The following RCC1L variants were observed in gnomAD, a reference collection of about 807,000 sequenced individuals.
RCC1L encodes the protein RCC1 like.
A neutral mutation model predicts 58.6 loss-of-function variants in RCC1L; 46 were observed. That is an observed-to-expected ratio of 0.79 (90% CI 0.62 to 1.00). RCC1L has a LOEUF of 1.00. Among genes scored for constraint, RCC1L ranks in the 50% least tolerant of loss-of-function variants. The pLI, the probability that RCC1L is intolerant of heterozygous loss-of-function variation, is 0.00. For synonymous variants in RCC1L, 281 were observed against 262.9 expected (o/e 1.07, Z -0.67); for missense variants, 636 against 623.6 (o/e 1.02, Z -0.21).
intron 3 of RCC1L, 137 bp downstream of exon 3, chr7:75,066,527 G>T: frequency 1.8e-6 from 2 of 1,139,888 alleles, no homozygotes; most frequent in Non-Finnish European, 2.5e-6. Context: ...CAATCCCACT[G>T]ATCTGCTCAG....
chr7:75,057,700 T>A (rs1433508705), intron 7 of RCC1L, 84 bp from the exon 8 acceptor site: 1 of 1,218,856 alleles, frequency 8.2e-7, no homozygotes, highest in Non-Finnish European at 1.2e-6. Context: ...ACAGAGTAGC[T>A]GAGTCCTAGT....
At chr7:75,061,567 A>G (rs932208152) in intron 5 of RCC1L, among the ~76,000 whole-genome samples, 24 of 152,088 alleles carry the variant, frequency 1.6e-4, no homozygotes, top group African/African-American at 5.8e-4. Context: ...CCCCTTCTCC[A>G]TAACCCTTCT....
intron 9 of RCC1L, chr7:75,055,683 C>G: frequency 1.6e-6 from 1 of 609,766 alleles, no homozygotes; most frequent in Non-Finnish European, 2.9e-6. Context: ...TACCCACAAA[C>G]CAAACGAACC....
Position 75,056,479 on chromosome 7 carries a change from T to G in RCC1L, c.1058-405A>C. The G allele has an allele frequency of 2.1e-6, 3 of 1,462,742 alleles. No homozygotes were observed. In the South Asian group the frequency reaches 4.2e-5, roughly 20 times the overall value. 90.6% of individuals were successfully genotyped at this position (1,462,742 alleles called of 1,614,324 possible). A position where few individuals can be genotyped will look rare whatever the true frequency, so the allele number is the denominator to read the frequency against. On this transcript the variant is annotated intron_variant, in intron 8 of 10. Transcript: ENST00000610322. Reference sequence around the variant, plus strand: ...CAGAAGGCCAAACACATCAACAATGTCTGGCCAGATTCTTAAAACTCTTAG... The same window carrying G: ...CAGAAGGCCAAACACATCAACAATGGCTGGCCAGATTCTTAAAACTCTTAG...
At chr7:75,027,830 G>A (rs1805181234) in exon 11 of RCC1L, 2 of 650,822 alleles carry the variant, frequency 3.1e-6, no homozygotes, top group Admixed American at 2.4e-5. Flanking sequence ...GGTCTCCACA[G>A]CTCTTCGGGG....
At position 75,055,984 on chromosome 7, in the gene RCC1L, G is replaced by A. The variant is rs1554443872; in HGVS notation, c.1148C>T (p.Thr383Ile). 6.2e-7 allele frequency: 1 copy of A among 1,613,854 alleles called. No individual in the cohort carries two copies. The highest frequency in any genetic ancestry group is 1.3e-5 in the African/African-American group (1 of 74,918). ...ESAVPEMIPP[T>I]LFGLTEFNPE... ...GTTGAACTCCGTCAAGCCAAAGAGA[G>A]TGGGTGGAATCATTTCAGGGACGGC... Residue 383 changes from threonine to isoleucine, a missense_variant, in exon 9 of 11, where the codon ACT becomes ATT. Transcript: ENST00000610322.
At chr7:75,068,029 T>C (rs1441926195) in intron 2 of RCC1L, among the ~76,000 whole-genome samples, 1 of 151,778 alleles carries the variant, frequency 6.6e-6, no homozygotes, top group African/African-American at 2.4e-5. Flanking sequence ...GTATAAAAAA[T>C]GTAACGCGGG....
At chr7:75,056,161 A>G in intron 8 of RCC1L, 87 bp from the exon 9 acceptor site, 1 of 1,490,054 alleles carries the variant, frequency 6.7e-7, no homozygotes, top group Middle Eastern at 1.7e-4. Context: ...ACCAAGGTTT[A>G]TGACATCCAC....
chr7:75,031,610 G>A (rs1187522678), intron 10 of RCC1L, among the ~76,000 whole-genome samples: 6 of 152,032 alleles, frequency 3.9e-5, no homozygotes, highest in Admixed American at 1.3e-4. Context: ...CACTGTGGTC[G>A]GGGGAACACA....
At chr7:75,036,187 G>A (rs896545911) in intron 10 of RCC1L, among the ~76,000 whole-genome samples, 2 of 147,954 alleles carry the variant, frequency 1.4e-5, no homozygotes, top group African/African-American at 5.0e-5. Flanking sequence ...TGTAATCTTG[G>A]CTCACTGCAA....
At chr7:75,072,410 AG>A (rs1485299663) in intron 1 of RCC1L, among the ~76,000 whole-genome samples, 2 of 151,658 alleles carry the variant, frequency 1.3e-5, no homozygotes, top group African/African-American at 4.8e-5. Flanking sequence ...TGCTGTTAGC[AG>A]TAGTATAAGG....
At chr7:75,034,638 G>A (rs1056871135) in intron 10 of RCC1L, among the ~76,000 whole-genome samples, 25 of 152,280 alleles carry the variant, frequency 1.6e-4, no homozygotes, top group Non-Finnish European at 2.6e-4. Context: ...TCCAACAGAT[G>A]TCTACCCGAG....
At chr7:75,072,155 C>CATATAGATATATATATAT (rs1212608729) in intron 1 of RCC1L, among the ~76,000 whole-genome samples, 1 of 48,150 alleles carries the variant, frequency 2.1e-5, no homozygotes, top group Non-Finnish European at 4.3e-5. Flanking sequence ...TATACATATA[C>CATATAGATATATATATAT]ATATACATAT....
chr7:75,040,102 A>G (rs1052917608), downstream of RCC1L, among the ~76,000 whole-genome samples: 5 of 152,246 alleles, frequency 3.3e-5, no homozygotes, highest in Admixed American at 6.5e-5. Flanking sequence ...GCCCAGCTGG[A>G]AGAAAGAAAA....
downstream of RCC1L, among the ~76,000 whole-genome samples, chr7:75,039,936 G>A (rs2131973124): frequency 6.6e-6 from 1 of 152,236 alleles, no homozygotes; most frequent in East Asian, 1.9e-4. Context: ...GCTGGGGTTG[G>A]GGGAGGGGCG....
chr7:75,030,757 G>A (rs917551473), intron 10 of RCC1L, among the ~76,000 whole-genome samples: 4 of 152,248 alleles, frequency 2.6e-5, no homozygotes, highest in East Asian at 3.9e-4. Flanking sequence ...TTCACACGCC[G>A]TTGCCTCCAC....
intron 10 of RCC1L, among the ~76,000 whole-genome samples, chr7:75,032,229 G>A (rs1254270095): frequency 2.0e-5 from 3 of 151,768 alleles, no homozygotes; most frequent in African/African-American, 4.9e-5. Context: ...GAGTGGGGAC[G>A]GTGGGGGGAA....
chr7:75,044,802 C>T (rs960002314), intron 10 of RCC1L, among the ~76,000 whole-genome samples: 12 of 150,634 alleles, frequency 8.0e-5, no homozygotes, highest in Non-Finnish European at 1.0e-4. Flanking sequence ...TTTGGGAGGC[C>T]GCGGTGGGCA....
chr7:75,063,852 G>A (rs1404413416), intron 4 of RCC1L, among the ~76,000 whole-genome samples: 2 of 151,632 alleles, frequency 1.3e-5, no homozygotes, highest in Admixed American at 6.6e-5. Context: ...CTTGGGAGGC[G>A]GAGGTTGCAG....
Sources: allele counts gnomAD v4.1 joint callset (sites outside exome capture counted in the v4.1 genomes callset), GRCh38; gene constraint gnomAD v4.1.1; transcripts MANE v1.5; gene names NCBI Gene and HGNC (gene_info 2026-07-23, HGNC 2026-07-21).